Variants in LRBA observed in about 807,000 individuals in gnomAD.
LRBA encodes lipopolysaccharide-responsive and beige-like anchor protein.
A neutral mutation model predicts 330.0 loss-of-function variants in LRBA; 176 were observed. That is an observed-to-expected ratio of 0.53 (90% CI 0.47 to 0.60). The LOEUF is 0.60. LRBA is among the 20% of genes least tolerant of loss of function. LRBA has a pLI of 0.00. For synonymous variants in LRBA, 1,230 were observed against 1,193.0 expected, an observed-to-expected ratio of 1.03 and a Z score of -0.64; for missense variants, 3,259 against 3,444.8, an observed-to-expected ratio of 0.95 and a Z score of 1.35.
At chr4:150,450,221 T>C (rs1286508746) in intron 44 of LRBA, among the ~76,000 whole-genome samples, 1 of 152,210 alleles carries the variant, frequency 6.6e-6, no homozygotes, top group Non-Finnish European at 1.5e-5. Flanking sequence ...ATGAATTCTT[T>C]TATCAAAAAA....
intron 40 of LRBA, among the ~76,000 whole-genome samples, chr4:150,573,403 C>G (rs767561597): frequency 6.6e-6 from 1 of 152,188 alleles, no homozygotes; most frequent in Non-Finnish European, 1.5e-5. Flanking sequence ...GAGTGCCCAT[C>G]AACAACTCCT....
chr4:150,357,677 T>C (rs767914504), intron 47 of LRBA, among the ~76,000 whole-genome samples: 28 of 151,858 alleles, frequency 1.8e-4, no homozygotes, highest in Non-Finnish European at 3.7e-4. Context: ...AAAAAAACCT[T>C]TAGTTTATTA....
At chr4:150,781,975 C>T (rs1238405164) in intron 34 of LRBA, among the ~76,000 whole-genome samples, 4 of 152,154 alleles carry the variant, frequency 2.6e-5, no homozygotes, top group African/African-American at 9.7e-5. Flanking sequence ...GGTGCTATCA[C>T]AATTCACTGC....
At chr4:150,431,552 G>A (rs988855821) in intron 46 of LRBA, among the ~76,000 whole-genome samples, 6 of 152,022 alleles carry the variant, frequency 3.9e-5, no homozygotes, top group African/African-American at 1.2e-4. Context: ...ACCACTGGAA[G>A]ACTTAGTATC....
At chr4:150,781,746 A>G (rs948299334) in intron 34 of LRBA, among the ~76,000 whole-genome samples, 1 of 152,166 alleles carries the variant, frequency 6.6e-6, no homozygotes, top group African/African-American at 2.4e-5. Flanking sequence ...TTAGAAATCA[A>G]TACAATATTA....
chr4:150,477,922 G>A (rs933375431), intron 42 of LRBA, among the ~76,000 whole-genome samples: 10 of 152,014 alleles, frequency 6.6e-5, no homozygotes, highest in Non-Finnish European at 8.8e-5. Context: ...AAATTACCCC[G>A]TTTCAGGTAT....
At chr4:150,338,942 G>T (rs1287470207) in intron 48 of LRBA, among the ~76,000 whole-genome samples, 1 of 143,588 alleles carries the variant, frequency 7.0e-6, no homozygotes, top group Non-Finnish European at 1.5e-5. Context: ...CATTTTTAAA[G>T]CACTTTGTAT....
At chr4:150,545,424 T>C (rs1765749775) in intron 40 of LRBA, among the ~76,000 whole-genome samples, 1 of 152,154 alleles carries the variant, frequency 6.6e-6, no homozygotes, top group African/African-American at 2.4e-5. Context: ...TCAGTTAAAT[T>C]CATTATTAAT....
intron 37 of LRBA, among the ~76,000 whole-genome samples, chr4:150,667,090 C>T (rs558513067): frequency 5.3e-5 from 8 of 152,220 alleles, no homozygotes; most frequent in Non-Finnish European, 7.4e-5. Flanking sequence ...TAAAAGCTAA[C>T]GGTCTTAATC....
chr4:150,530,519 C>T (rs998621280), intron 40 of LRBA, among the ~76,000 whole-genome samples: 1 of 152,186 alleles, frequency 6.6e-6, no homozygotes, highest in East Asian at 1.9e-4. Flanking sequence ...TGTATAAATA[C>T]CACAGCTCCC....
In LRBA at chr4:150,599,044, T is replaced by A; in HGVS notation, c.6009A>T (p.Thr2003=). Residue 2003 remains threonine (T), a synonymous_variant, in exon 38 of 57, where the codon ACA becomes ACT. Transcript: ENST00000651943. The part of the protein sequence containing the change: ...RRFVRNPLGS[T]HPEATLKTAV... ...CTGTTTTTAGTGTCGCTTCAGGATG[T>A]GTCGATCCTAGAGGGTTACGCACAA... is the stretch of plus-strand genomic sequence containing the variant. The A allele has an allele frequency of 6.2e-7, 1 of 1,614,096 alleles. No homozygotes were observed. The highest frequency in any genetic ancestry group is 1.7e-4 in the Middle Eastern group (1 of 6,060).
chr4:150,984,958 G>A (rs1741267135), intron 2 of LRBA, among the ~76,000 whole-genome samples: 1 of 152,114 alleles, frequency 6.6e-6, no homozygotes, highest in African/African-American at 2.4e-5. Context: ...AAGTAATTAA[G>A]CATTTTTAAA....
intron 2 of LRBA, among the ~76,000 whole-genome samples, chr4:150,961,778 G>A (rs1738175362): frequency 6.7e-6 from 1 of 149,408 alleles, no homozygotes; most frequent in Non-Finnish European, 1.5e-5. Context: ...TCTGCTAGAT[G>A]AAGAAGAGAA....
chr4:150,954,050 C>G (rs1255152195), intron 2 of LRBA, among the ~76,000 whole-genome samples: 22 of 148,864 alleles, frequency 1.5e-4, no homozygotes, highest in Admixed American at 4.0e-4. Flanking sequence ...GCCCGGCAGC[C>G]ACCCCGTCTG....
rs372010196 is a variant in LRBA at position 150,265,768 on chromosome 4, T to G, written c.8513A>C (p.Tyr2838Ser). The stretch of plus-strand genomic sequence containing the variant: ...ATGATGCCACCGGTTAAAGTCGTTG[T>G]AAAATAGCACAATGCTTCCTGAAGC... ...GMASGSIVLFYNDFNRWHHEY... is the reference protein window; with the variant it reads ...GMASGSIVLFSNDFNRWHHEY... Residue 2838 changes from tyrosine (Y) to serine (S), a missense_variant, in exon 57 of 57, where the codon TAC becomes TCC. Coordinates refer to ENST00000651943, the MANE Select transcript of LRBA (RefSeq NM_001364905.1). The G allele has an allele frequency of 1.3e-4, 217 of 1,613,636 alleles. No individual in the cohort carries two copies. The highest frequency in any genetic ancestry group is 1.7e-4 in the Non-Finnish European group (201 of 1,179,674).
chr4:151,003,939 G>A (rs568304771), intron 2 of LRBA, among the ~76,000 whole-genome samples: 3 of 142,848 alleles, frequency 2.1e-5, no homozygotes, highest in Non-Finnish European at 3.0e-5. Context: ...GTGTGTGACA[G>A]TCTCATGCTG....
intron 36 of LRBA, among the ~76,000 whole-genome samples, chr4:150,733,754 C>A (rs746910903): frequency 2.8e-4 from 42 of 152,094 alleles, no homozygotes; most frequent in Non-Finnish European, 5.7e-4. Context: ...TATGAATACA[C>A]TGTATTTCTG....
chr4:150,467,907 T>A (rs1425619303), intron 43 of LRBA, 122 bp from the exon 44 acceptor site: 5 of 510,816 alleles, frequency 9.8e-6, no homozygotes, highest in Non-Finnish European at 1.8e-5. Flanking sequence ...ATTCTCAGTA[T>A]CCATACTTTC....
intron 56 of LRBA, among the ~76,000 whole-genome samples, chr4:150,267,063 G>T (rs1599167): frequency 0.49 from 74,776 of 151,910 alleles, 19,681 homozygotes; most frequent in South Asian, 0.59. Context: ...AATATTAACA[G>T]AATTGAAGGG....
Sources: gnomAD v4.1 joint callset for allele counts (sites outside exome capture counted in the v4.1 genomes callset) on GRCh38, gnomAD v4.1.1 for gene constraint, MANE v1.5 for transcripts, NCBI Gene and HGNC (gene_info 2026-07-23, HGNC 2026-07-21) for gene names.